The following KLF12 variants were observed in gnomAD, a reference collection of about 807,000 sequenced individuals.
KLF12 encodes the protein Krueppel-like factor 12.
A neutral mutation model predicts 37.8 loss-of-function variants in KLF12; 9 were observed. The observed-to-expected ratio is 0.24, with a 90% confidence interval of 0.14 to 0.42. The LOEUF (loss-of-function observed/expected upper bound fraction) is 0.42, where lower values mean the gene tolerates loss of function less well. KLF12 is among the 10% of genes least tolerant of loss of function. The pLI, the probability that KLF12 is intolerant of heterozygous loss-of-function variation, is 1.00. For missense variants in KLF12, 411 were observed against 516.0 expected (o/e 0.80, Z 1.97); for synonymous variants, 208 against 202.1 (o/e 1.03, Z -0.25).
intron 2 of KLF12, among the ~76,000 whole-genome samples, chr13:73,979,939 G>C (rs1310480725): frequency 6.6e-6 from 1 of 151,812 alleles, no homozygotes; most frequent in African/African-American, 2.4e-5. Flanking sequence ...AAGACACACA[G>C]AAAAAAAAGA....
chr13:74,188,861 G>T, the KLF12 span, among the ~76,000 whole-genome samples: 1 of 152,060 alleles, frequency 6.6e-6, no homozygotes, highest in African/African-American at 2.4e-5. Flanking sequence ...GCTGGGCGTG[G>T]TGGTGCGCGC....
At chr13:74,112,151 G>C (rs918139936) in intron 1 of KLF12, among the ~76,000 whole-genome samples, 2 of 151,984 alleles carry the variant, frequency 1.3e-5, no homozygotes, top group Non-Finnish European at 2.9e-5. Context: ...CCAAAGAATA[G>C]TTTTTACATT....
At chr13:74,233,768 T>C in the KLF12 span, among the ~76,000 whole-genome samples, 1 of 152,232 alleles carries the variant, frequency 6.6e-6, no homozygotes, top group Non-Finnish European at 1.5e-5. Context: ...CAGATCATCA[T>C]ATGATAAGAA....
intron 4 of KLF12, among the ~76,000 whole-genome samples, chr13:73,814,892 T>C (rs1883132686): frequency 1.3e-5 from 2 of 152,082 alleles, no homozygotes; most frequent in South Asian, 2.1e-4. Flanking sequence ...AGTACCCAGG[T>C]TGAGGAACTG....
At chr13:74,278,816 C>T in the KLF12 span, among the ~76,000 whole-genome samples, 1 of 152,102 alleles carries the variant, frequency 6.6e-6, no homozygotes, top group African/African-American at 2.4e-5. Flanking sequence ...CAGGCCTCAG[C>T]CAAAACAGAG....
chr13:73,981,591 A>G (rs548060423), intron 2 of KLF12, among the ~76,000 whole-genome samples: 23 of 152,350 alleles, frequency 1.5e-4, no homozygotes, highest in Admixed American at 4.6e-4. Flanking sequence ...ATGTACTTAT[A>G]TATGATGAAA....
At chr13:74,137,265 A>G (rs1263089597), upstream of KLF12, among the ~76,000 whole-genome samples, 1 of 152,224 alleles carries the variant, frequency 6.6e-6, no homozygotes, top group Non-Finnish European at 1.5e-5. Flanking sequence ...TTAATTCAAG[A>G]GGACCATGTA....
chr13:73,899,950 T>C (rs571909675), intron 3 of KLF12, among the ~76,000 whole-genome samples: 1 of 152,292 alleles, frequency 6.6e-6, no homozygotes, highest in South Asian at 2.1e-4. Context: ...CTCTCATATA[T>C]GTTGTATCCT....
Position 73,916,561 on chromosome 13 carries a change from A to G in KLF12, c.123+27420T>C, listed in dbSNP as rs936927061. Among the ~76,000 whole-genome samples the G allele has an allele frequency of 3.9e-5, 6 of 152,352 alleles. No homozygotes were observed. In the East Asian group the frequency reaches 1.2e-3, roughly 29 times the overall value. On this transcript the variant is annotated intron_variant, in intron 3 of 7. Coordinates refer to ENST00000377669, the MANE Select transcript of KLF12 (RefSeq NM_007249.5). Reference sequence around the variant, plus strand: ...TAGCACTTTTGGTACAATGCTTTATATAGCCAATATAAATAAACACTGTCA... The same window carrying G: ...TAGCACTTTTGGTACAATGCTTTATGTAGCCAATATAAATAAACACTGTCA...
the KLF12 span, among the ~76,000 whole-genome samples, chr13:74,215,924 T>C: frequency 6.6e-6 from 1 of 152,204 alleles, no homozygotes; most frequent in Admixed American, 6.5e-5. Context: ...ATCTGGAGCA[T>C]TTTCTGCTTC....
intron 3 of KLF12, among the ~76,000 whole-genome samples, chr13:73,899,845 C>T (rs1250055485): frequency 6.6e-6 from 1 of 152,086 alleles, no homozygotes; most frequent in Non-Finnish European, 1.5e-5. Flanking sequence ...GACAGTTATA[C>T]CACTAACTTA....
At chr13:74,089,803 G>GAAAAA (rs35244601) in intron 1 of KLF12, among the ~76,000 whole-genome samples, 1 of 117,782 alleles carries the variant, frequency 8.5e-6, no homozygotes, top group Non-Finnish European at 1.7e-5. Context: ...CATGCAGGGG[G>GAAAAA]AAAAAAAAAA....
chr13:73,964,056 G>C (rs1388026639), intron 2 of KLF12, among the ~76,000 whole-genome samples: 1 of 152,154 alleles, frequency 6.6e-6, no homozygotes, highest in Non-Finnish European at 1.5e-5. Context: ...TCAACAAATG[G>C]GGAAGCTAGC....
intron 2 of KLF12, among the ~76,000 whole-genome samples, chr13:73,979,490 T>C (rs1891635000): frequency 6.6e-6 from 1 of 150,544 alleles, no homozygotes; most frequent in South Asian, 2.1e-4. Flanking sequence ...ACAAAGAATA[T>C]GAGAATAAAC....
At chr13:74,147,827 T>C in the KLF12 span, among the ~76,000 whole-genome samples, 1 of 152,208 alleles carries the variant, frequency 6.6e-6, no homozygotes, top group South Asian at 2.1e-4. Context: ...TCACTGGTCC[T>C]ATCTAAAGCC....
At chr13:74,130,943 A>G (rs1372723829) in intron 1 of KLF12, among the ~76,000 whole-genome samples, 1 of 152,230 alleles carries the variant, frequency 6.6e-6, no homozygotes, top group East Asian at 1.9e-4. Context: ...GCAAAAACAT[A>G]AAGTCCCATG....
chr13:73,807,674 G>C (rs547113187), intron 5 of KLF12, among the ~76,000 whole-genome samples: 1 of 152,286 alleles, frequency 6.6e-6, no homozygotes, highest in Non-Finnish European at 1.5e-5. Context: ...ATCAGAGAGA[G>C]TAGACTACTA....
chr13:74,094,374 A>G (rs1875854018), intron 1 of KLF12, among the ~76,000 whole-genome samples: 2 of 150,876 alleles, frequency 1.3e-5, no homozygotes, highest in African/African-American at 2.5e-5. Context: ...GAAATGATCC[A>G]TGGTATAATG....
At chr13:73,828,617 TC>T (rs1883976640) in intron 4 of KLF12, among the ~76,000 whole-genome samples, 1 of 152,070 alleles carries the variant, frequency 6.6e-6, no homozygotes, top group East Asian at 1.9e-4. Flanking sequence ...TGAAATAGTC[TC>T]CCTCCCTGTA....
Sources: gnomAD v4.1 joint callset for allele counts (sites outside exome capture counted in the v4.1 genomes callset) on GRCh38, gnomAD v4.1.1 for gene constraint, MANE v1.5 for transcripts, NCBI Gene and HGNC (gene_info 2026-07-23, HGNC 2026-07-21) for gene names.